Variants in TLK1 observed in about 807,000 individuals in gnomAD.
TLK1 encodes the protein serine/threonine-protein kinase tousled-like 1.
TLK1 carries 24 observed loss-of-function variants against 105.3 expected under a neutral mutation model. That is an observed-to-expected ratio of 0.23 (90% CI 0.17 to 0.32). The LOEUF (loss-of-function observed/expected upper bound fraction) is 0.32. Ranked by LOEUF, TLK1 falls within the 10% of genes least tolerant of loss-of-function variation. The probability of loss-of-function intolerance (pLI) is 1.00; values close to 1 mark genes in which losing one functional copy is unlikely to be tolerated. For missense variants in TLK1, 558 were observed against 910.5 expected, an observed-to-expected ratio of 0.61 and a Z score of 4.98; for synonymous variants, 321 against 310.4, an observed-to-expected ratio of 1.03 and a Z score of -0.36.
chr2:171,202,585 T>C (rs1693424803), intron 1 of TLK1, among the ~76,000 whole-genome samples: 2 of 151,840 alleles, frequency 1.3e-5, no homozygotes, highest in Non-Finnish European at 2.9e-5. Context: ...AGCGAAACCC[T>C]GTGTCTACTA....
At chr2:171,162,631 GTA>G (rs1164897884), upstream of TLK1, among the ~76,000 whole-genome samples, 1 of 152,170 alleles carries the variant, frequency 6.6e-6, no homozygotes, top group Non-Finnish European at 1.5e-5. Context: ...GATGGTGAAT[GTA>G]TCTATCACCC....
intron 5 of TLK1, among the ~76,000 whole-genome samples, 197 bp from the exon 6 acceptor site, chr2:171,056,763 G>A (rs1687522722): frequency 6.6e-6 from 1 of 150,408 alleles, no homozygotes; most frequent in Non-Finnish European, 1.5e-5. Flanking sequence ...ACAAGAACAT[G>A]ACGAGACTGT....
At chr2:171,007,497 TA>T (rs1684702308) in intron 14 of TLK1, among the ~76,000 whole-genome samples, 1 of 151,958 alleles carries the variant, frequency 6.6e-6, no homozygotes, top group Non-Finnish European at 1.5e-5. Flanking sequence ...TTAGAAAAAT[TA>T]AAAAGTTCCT....
At chr2:171,211,491 T>C (rs1693611442) in intron 1 of TLK1, among the ~76,000 whole-genome samples, 1 of 152,162 alleles carries the variant, frequency 6.6e-6, no homozygotes, top group East Asian at 1.9e-4. Context: ...AATTGTTCAA[T>C]GCTATTTTGC....
chr2:171,055,465 T>C lies in TLK1; in HGVS notation c.550-293A>G, dbSNP rs186258064. 1.5e-4 allele frequency among the ~76,000 whole-genome samples: 22 copies of C among 148,078 alleles called. No homozygotes were observed. In the East Asian group the frequency reaches 4.3e-3, roughly 29 times the overall value. On this transcript the variant is annotated intron_variant, in intron 6 of 20. Transcript: ENST00000431350. ...AGAAATCTTAATGCTTTCATACAGT[T>C]AAAAAAAAAATAAGGCCAAATAAAT...
chr2:171,003,748 G>A (rs1025824568), intron 18 of TLK1, among the ~76,000 whole-genome samples: 4 of 152,198 alleles, frequency 2.6e-5, no homozygotes, highest in Non-Finnish European at 4.4e-5. Flanking sequence ...TTAATTTTAT[G>A]AAGTTATTAT....
chr2:171,037,094 A>G (rs1686386742), intron 11 of TLK1, among the ~76,000 whole-genome samples: 1 of 152,118 alleles, frequency 6.6e-6, no homozygotes, highest in Non-Finnish European at 1.5e-5. Context: ...TAATATCTGA[A>G]CTAAATTAAA....
chr2:171,004,284 C>G (rs986076842), intron 18 of TLK1, among the ~76,000 whole-genome samples: 1 of 151,864 alleles, frequency 6.6e-6, no homozygotes, highest in Non-Finnish European at 1.5e-5. Flanking sequence ...TATTTCTAGG[C>G]TACATGGTTC....
At chr2:170,996,908 T>G in intron 19 of TLK1, 148 bp from the exon 20 acceptor site, 2 of 670,204 alleles carry the variant, frequency 3.0e-6, no homozygotes, top group Non-Finnish European at 4.9e-6. Context: ...CTGAGATGAA[T>G]TCTCATACAA....
In TLK1 at chr2:171,134,679, GA is replaced by G. The variant is rs979356988; in HGVS notation, c.140-16823del. Among the ~76,000 whole-genome samples the G allele has an allele frequency of 4.1e-3, 497 of 122,008 alleles. 3 individuals are homozygous for G. Among genetic ancestry groups the G allele is most frequent in the African/African-American group, 9.6e-3 (330 of 34,250 alleles). 80.0% of individuals were successfully genotyped at this position (122,008 alleles called of 152,430 possible). A position where few individuals can be genotyped will look rare whatever the true frequency, so the allele number is the denominator to read the frequency against. On this transcript the variant is annotated intron_variant, in intron 1 of 20. Transcript: ENST00000431350. ...TAAATGTCCATCAACAGATGAATAG[GA>G]AAAAAAAAAAAATGTGGTATATATA...
intron 12 of TLK1, among the ~76,000 whole-genome samples, chr2:171,027,771 G>T (rs1326353871): frequency 2.0e-5 from 3 of 152,204 alleles, no homozygotes; most frequent in African/African-American, 7.2e-5. Context: ...GTCTGTCCAA[G>T]AATCATTCCT....
chr2:171,187,407 A>G lies in TLK1; in HGVS notation c.-6+43738T>C, dbSNP rs542534213. On this transcript the variant is annotated intron_variant, in intron 1 of 20. Coordinates refer to the TLK1 transcript ENST00000521943. The stretch of plus-strand genomic sequence containing the variant: ...GACTCCCAAAGAATATTTCTAAACT[A>G]TCTGCCTTCCAGTTTTAACATTCTA... 1.1e-4 allele frequency among the ~76,000 whole-genome samples: 17 copies of G among 152,336 alleles called. No individual in the cohort carries two copies. The South Asian group carries it at 3.5e-3, about 32-fold the overall frequency.
chr2:171,005,281 G>A (rs1161881555), intron 18 of TLK1, among the ~76,000 whole-genome samples: 9 of 152,188 alleles, frequency 5.9e-5, no homozygotes, highest in East Asian at 3.8e-4. Context: ...TTGTGAACAC[G>A]TAGGTATACT....
At chr2:171,159,058 A>C (rs921866714) in intron 1 of TLK1, among the ~76,000 whole-genome samples, 1 of 152,120 alleles carries the variant, frequency 6.6e-6, no homozygotes, top group Non-Finnish European at 1.5e-5. Context: ...TCAGGGCACA[A>C]AACACTTGAT....
chr2:171,014,029 T>A (rs1685055702), intron 13 of TLK1, among the ~76,000 whole-genome samples: 1 of 152,260 alleles, frequency 6.6e-6, no homozygotes, highest in Admixed American at 6.5e-5. Context: ...GAACACAGAC[T>A]GTAAGCTGTA....
At chr2:171,021,905 C>T (rs1575523063) in intron 12 of TLK1, among the ~76,000 whole-genome samples, 1 of 152,078 alleles carries the variant, frequency 6.6e-6, no homozygotes, top group East Asian at 1.9e-4. Context: ...CGACACCAGC[C>T]TGACCAACAT....
chr2:170,994,595 C>T, intron 20 of TLK1: 4 of 374,226 alleles, frequency 1.1e-5, no homozygotes, highest in South Asian at 6.7e-5. Context: ...GCACACAAAT[C>T]GTTAAGTGCA....
chr2:171,015,651 T>G (rs1685145946), intron 12 of TLK1, among the ~76,000 whole-genome samples: 1 of 141,448 alleles, frequency 7.1e-6, no homozygotes, highest in African/African-American at 2.7e-5. Flanking sequence ...CCAAAACAAG[T>G]ACACATATCA....
At chr2:171,057,294 C>G (rs1022673666) in intron 5 of TLK1, among the ~76,000 whole-genome samples, 1 of 152,146 alleles carries the variant, frequency 6.6e-6, no homozygotes, top group Admixed American at 6.5e-5. Context: ...CTTACATGAA[C>G]AGCACAGATA....
Sources: allele counts gnomAD v4.1 joint callset (sites outside exome capture counted in the v4.1 genomes callset), GRCh38; gene constraint gnomAD v4.1.1; transcripts MANE v1.5; gene names NCBI Gene and HGNC (gene_info 2026-07-23, HGNC 2026-07-21).